The following OPCML variants were observed in gnomAD, a reference collection of about 807,000 sequenced individuals.
OPCML encodes the protein opioid-binding protein/cell adhesion molecule.
A neutral mutation model predicts 37.8 loss-of-function variants in OPCML; 13 were observed. The observed-to-expected ratio is 0.34, with a 90% CI of 0.22 to 0.55. OPCML has a LOEUF of 0.55. OPCML is among the 20% of genes least tolerant of loss of function. The pLI is 0.91. For missense variants in OPCML, 341 were observed against 435.6 expected, an observed-to-expected ratio of 0.78 and a Z score of 1.93; for synonymous variants, 176 against 168.8, an observed-to-expected ratio of 1.04 and a Z score of -0.33.
intron 4 of OPCML, among the ~76,000 whole-genome samples, chr11:132,500,608 G>A (rs547791182): frequency 1.3e-5 from 2 of 152,250 alleles, no homozygotes; most frequent in South Asian, 4.1e-4. Flanking sequence ...CGTGCAGAAG[G>A]TGCAGATTTG....
intron 1 of OPCML, among the ~76,000 whole-genome samples, chr11:133,286,403 G>A (rs974281450): frequency 4.0e-5 from 6 of 148,626 alleles, no homozygotes; most frequent in African/African-American, 1.3e-4. Context: ...CCGGGAGGCG[G>A]AGCTTGCAGT....
intron 3 of OPCML, among the ~76,000 whole-genome samples, chr11:132,594,301 T>C (rs1490849738): frequency 2.0e-5 from 3 of 152,186 alleles, no homozygotes; most frequent in Non-Finnish European, 4.4e-5. Context: ...TTGCCAACAA[T>C]ATTTTTAAAT....
intron 1 of OPCML, among the ~76,000 whole-genome samples, chr11:133,528,054 A>C (rs934821934): frequency 1.3e-5 from 2 of 152,246 alleles, no homozygotes; most frequent in African/African-American, 4.8e-5. Context: ...TAGGTTACAG[A>C]GATGTGGCCA....
intron 4 of OPCML, among the ~76,000 whole-genome samples, chr11:132,498,817 G>A (rs1295770685): frequency 2.6e-5 from 4 of 152,142 alleles, no homozygotes; most frequent in Non-Finnish European, 4.4e-5. Flanking sequence ...TCAAGACACA[G>A]TGCATGACTT....
intron 7 of OPCML, among the ~76,000 whole-genome samples, chr11:132,424,107 C>G (rs111313899): frequency 0.015 from 2,273 of 148,584 alleles, 46 homozygotes; most frequent in African/African-American, 0.053. Context: ...TCTCTAAAAC[C>G]TAGAATACTA....
chr11:133,391,686 T>G (rs1463790869), intron 1 of OPCML, among the ~76,000 whole-genome samples: 1 of 152,204 alleles, frequency 6.6e-6, no homozygotes, highest in Non-Finnish European at 1.5e-5. Context: ...CAAGGCACTC[T>G]CAGAAAAGCA....
chr11:132,993,592 G>A (rs181152470), intron 1 of OPCML, among the ~76,000 whole-genome samples: 1 of 151,996 alleles, frequency 6.6e-6, no homozygotes, highest in Non-Finnish European at 1.5e-5. Context: ...GCGCTGCCCC[G>A]CTCCCTACTT....
chr11:133,140,513 A>AAATAATAATAATAATAATAATAAT (rs377272496), intron 1 of OPCML, among the ~76,000 whole-genome samples: 12 of 95,904 alleles, frequency 1.3e-4, no homozygotes, highest in Non-Finnish European at 1.8e-4. Context: ...CTCTGTCTCA[A>AAATAATAATAATAATAATAATAAT]AATAATAATA....
chr11:133,523,773 A>G (rs994955991), intron 1 of OPCML, among the ~76,000 whole-genome samples: 2 of 152,112 alleles, frequency 1.3e-5, no homozygotes, highest in African/African-American at 4.8e-5. Flanking sequence ...TCTTCATGCT[A>G]TGGGACTTTG....
intron 1 of OPCML, among the ~76,000 whole-genome samples, chr11:133,434,837 T>C (rs1456602742): frequency 6.8e-6 from 1 of 147,180 alleles, no homozygotes; most frequent in Non-Finnish European, 1.5e-5. Flanking sequence ...CACACATATA[T>C]ATATTTAATA....
chr11:132,756,799 A>G (rs933644488), intron 2 of OPCML, among the ~76,000 whole-genome samples: 5 of 152,016 alleles, frequency 3.3e-5, no homozygotes, highest in Admixed American at 2.6e-4. Flanking sequence ...TTTTTATTAT[A>G]CTTTAAGTTC....
intron 1 of OPCML, among the ~76,000 whole-genome samples, chr11:133,265,128 C>T (rs1048408436): frequency 6.6e-6 from 1 of 152,068 alleles, no homozygotes; most frequent in African/African-American, 2.4e-5. Flanking sequence ...TGACCAGCTG[C>T]CAGAGAGGAG....
At chr11:133,070,485 G>A (rs1171658629) in intron 1 of OPCML, among the ~76,000 whole-genome samples, 2 of 152,164 alleles carry the variant, frequency 1.3e-5, no homozygotes, top group African/African-American at 2.4e-5. Flanking sequence ...ACCCAGGGAT[G>A]TGATGGCCAG....
At chr11:133,046,400 G>A (rs146963153) in intron 1 of OPCML, among the ~76,000 whole-genome samples, 35 of 152,202 alleles carry the variant, frequency 2.3e-4, no homozygotes, top group African/African-American at 7.5e-4. Flanking sequence ...GTATCCTGAC[G>A]CCCTTTCTGC....
chr11:132,803,059 G>C (rs1938769276), intron 2 of OPCML, among the ~76,000 whole-genome samples: 2 of 151,848 alleles, frequency 1.3e-5, no homozygotes, highest in South Asian at 4.2e-4. Flanking sequence ...TTCATGTTTT[G>C]GAATGGTTTA....
chr11:133,023,991 C>T (rs1488876218), intron 1 of OPCML, among the ~76,000 whole-genome samples: 1 of 152,154 alleles, frequency 6.6e-6, no homozygotes, highest in Non-Finnish European at 1.5e-5. Context: ...AGACCCTCAC[C>T]CTGCACAGAG....
intron 1 of OPCML, among the ~76,000 whole-genome samples, chr11:132,949,557 G>C (rs189289425): frequency 1.6e-3 from 246 of 152,276 alleles, no homozygotes; most frequent in African/African-American, 5.7e-3. Context: ...CTTGTGGCAG[G>C]ACATTATCTG....
chr11:132,477,687 TG>T (rs1206469819), intron 4 of OPCML, among the ~76,000 whole-genome samples: 5 of 152,344 alleles, frequency 3.3e-5, no homozygotes, highest in Non-Finnish European at 7.4e-5. Context: ...AATGAACATA[TG>T]TTTTTCTGGA....
chr11:133,529,224 C>T (rs768995392), intron 1 of OPCML, among the ~76,000 whole-genome samples: 5 of 152,218 alleles, frequency 3.3e-5, no homozygotes, highest in East Asian at 1.9e-4. Flanking sequence ...AAAATGCTTC[C>T]GTCTGAGACG....
Sources: gnomAD v4.1 joint callset for allele counts (sites outside exome capture counted in the v4.1 genomes callset) on GRCh38, gnomAD v4.1.1 for gene constraint, MANE v1.5 for transcripts, NCBI Gene and HGNC (gene_info 2026-07-23, HGNC 2026-07-21) for gene names.